The following G3BP2 variants were observed in gnomAD, a reference collection of about 807,000 sequenced individuals.
The protein encoded by G3BP2 is ras GTPase-activating protein-binding protein 2.
Under a neutral mutation model 56.7 loss-of-function variants are expected in G3BP2, and 11 were observed. The observed-to-expected ratio is 0.19, with a 90% CI of 0.12 to 0.32. G3BP2 has a LOEUF of 0.32. Ranked by LOEUF, G3BP2 falls within the 10% of genes least tolerant of loss-of-function variation. The pLI, the probability that G3BP2 is intolerant of heterozygous loss-of-function variation, is 1.00. For missense variants in G3BP2, 340 were observed against 610.9 expected (o/e 0.56, Z 4.67); for synonymous variants, 165 against 191.6 (o/e 0.86, Z 1.15).
intron 3 of G3BP2, among the ~76,000 whole-genome samples, chr4:75,714,584 C>T (rs1719868632): frequency 1.3e-5 from 2 of 151,984 alleles, no homozygotes; most frequent in Non-Finnish European, 2.9e-5. Flanking sequence ...GCCAAGATCG[C>T]ACCACCGCAC....
At chr4:75,715,894 ATAGTCATT>A (rs573259155) in intron 3 of G3BP2, among the ~76,000 whole-genome samples, 84 of 152,368 alleles carry the variant, frequency 5.5e-4, no homozygotes, top group Non-Finnish European at 8.8e-4. Context: ...AAATACCAGT[ATAGTCATT>A]TTTCTCTGAC....
chr4:75,657,638 T>G lies in G3BP2; in HGVS notation c.270A>C (p.Val90=), dbSNP rs545030051. 6.2e-7 allele frequency: 1 copy of G among 1,612,972 alleles called. No individual in the cohort carries two copies. The highest frequency in any genetic ancestry group is 1.1e-5 in the South Asian group (1 of 91,068). The stretch of plus-strand genomic sequence containing the variant: ...ACAGCAAACCCATGACCTGGACAAC[T>G]ACTCCATCACTCAAGGTTGCATGAG... ...VDAHATLSDG[V]VVQVMGLLSN... The change falls in exon 4 of 12, where the codon GTA becomes GTC. Residue 90 remains valine (V), a synonymous_variant. Coordinates refer to ENST00000359707, the MANE Select transcript of G3BP2 (RefSeq NM_203505.3).
chr4:75,693,952 G>A (rs1351565040), intron 3 of G3BP2, among the ~76,000 whole-genome samples: 2 of 151,694 alleles, frequency 1.3e-5, no homozygotes, highest in African/African-American at 2.4e-5. Context: ...TATTGTCTAG[G>A]GTGGTCTTGA....
chr4:75,643,775 C>T lies in G3BP2; in HGVS notation c.*1655G>A, dbSNP rs1456012196. Reference sequence around the variant, plus strand: ...TGGAGAAGTCTTCCATGCTAACGAGCAGCTTTAAGTGGTCACACTTATTTA... The same window carrying T: ...TGGAGAAGTCTTCCATGCTAACGAGTAGCTTTAAGTGGTCACACTTATTTA... On this transcript the variant is annotated 3_prime_UTR_variant, in exon 12 of 12. Coordinates refer to ENST00000359707, the MANE Select transcript of G3BP2 (RefSeq NM_203505.3). 1 of 152,590 alleles carries T rather than the reference C, an allele frequency of 6.6e-6. No individual in the cohort carries two copies. The highest frequency in any genetic ancestry group is 1.9e-4 in the East Asian group (1 of 5,178). The allele number at this position is 152,590 out of a possible 1,614,324, so 9.5% of individuals were successfully genotyped here.
At chr4:75,700,096 C>T (rs549953316) in intron 3 of G3BP2, among the ~76,000 whole-genome samples, 362 of 152,250 alleles carry the variant, frequency 2.4e-3, no homozygotes, top group Non-Finnish European at 3.6e-3. Flanking sequence ...GCTCTGTTGC[C>T]AGGCTAGAGT....
At chr4:75,701,713 C>T (rs889409209) in intron 3 of G3BP2, among the ~76,000 whole-genome samples, 10 of 152,190 alleles carry the variant, frequency 6.6e-5, no homozygotes, top group African/African-American at 2.2e-4. Flanking sequence ...CAGGCGTGAC[C>T]TGCTGTGCCC....
intron 3 of G3BP2, among the ~76,000 whole-genome samples, chr4:75,688,801 G>A (rs1170210485): frequency 6.6e-6 from 1 of 152,224 alleles, no homozygotes; most frequent in Admixed American, 6.5e-5. Flanking sequence ...AGAATGGTAA[G>A]TGTGCAGAGA....
At chr4:75,669,185 C>A (rs982529254) in intron 1 of G3BP2, among the ~76,000 whole-genome samples, 5 of 152,198 alleles carry the variant, frequency 3.3e-5, no homozygotes, top group South Asian at 2.1e-4. Context: ...TCTACCTAAA[C>A]GTGTATCTAG....
intron 2 of G3BP2, among the ~76,000 whole-genome samples, chr4:75,659,624 A>C (rs1732389893): frequency 6.6e-6 from 1 of 152,214 alleles, no homozygotes; most frequent in Non-Finnish European, 1.5e-5. Flanking sequence ...TAAAACATGT[A>C]AGAGCTTCCT....
In G3BP2 at chr4:75,645,649, T is replaced by C; in HGVS notation, c.1230A>G (p.Arg410=). The part of the protein sequence containing the change: ...VRLNVEEKKT[R]AARERETRGG... ...CTCTGGTTTCTCGCTCTCTTGCAGC[T>C]CTTGTTTTTTTCTCTTCCACATTTA... The change falls in exon 12 of 12, where the codon AGA becomes AGG. Residue 410 remains arginine, a synonymous_variant. Transcript: ENST00000359707. 4 of 1,613,938 alleles carry C rather than the reference T, an allele frequency of 2.5e-6. No homozygotes were observed. The highest frequency in any genetic ancestry group is 2.5e-6 in the Non-Finnish European group (3 of 1,179,930).
chr4:75,683,740 G>C (rs1718447916), intron 3 of G3BP2, among the ~76,000 whole-genome samples: 1 of 152,088 alleles, frequency 6.6e-6, no homozygotes, highest in African/African-American at 2.4e-5. Flanking sequence ...CTAGTGTCTG[G>C]CTCAGAACTG....
At position 75,653,589 on chromosome 4, in the gene G3BP2, TA is replaced by T. The variant is rs11422883; in HGVS notation, c.825+393del. 4.0e-3 allele frequency among the ~76,000 whole-genome samples: 481 copies of T among 121,494 alleles called. 4 individuals are homozygous for T. Among genetic ancestry groups the T allele is most frequent in the African/African-American group, 0.011 (352 of 32,108 alleles). 79.7% of individuals were successfully genotyped at this position (121,494 alleles called of 152,430 possible). ...TTCCTGGTTTTTTTTTTTTTTGCTT[TA>T]AAAAAAAAAAAAAAAACAAAAACGA... On this transcript the variant is annotated intron_variant, in intron 8 of 11. Transcript: ENST00000359707.
chr4:75,679,207 T>G lies in G3BP2; in HGVS notation c.-24-17158A>C, dbSNP rs61359875. The stretch of plus-strand genomic sequence containing the variant: ...TAGACTTTGAACAAGACTTACTGAT[T>G]GAAAACATGTTACTTGAGAATCCCA... On this transcript the variant is annotated intron_variant, in intron 3 of 3. Transcript: ENST00000499709. Among the ~76,000 whole-genome samples the G allele has an allele frequency of 2.9e-3, 442 of 152,302 alleles. 4 individuals carry two copies. The highest frequency in any genetic ancestry group is 0.023 in the East Asian group (120 of 5,182).
chr4:75,717,759 G>A lies in G3BP2; in HGVS notation c.-25+3118C>T, dbSNP rs113986914. 9.9e-5 allele frequency among the ~76,000 whole-genome samples: 15 copies of A among 152,226 alleles called. 1 individual carries two copies. The highest frequency in any genetic ancestry group is 3.6e-4 in the African/African-American group (15 of 41,538). On this transcript the variant is annotated intron_variant, in intron 3 of 3. Transcript: ENST00000499709. ...CTTGAGGTGTTGGGGGAGAGACAAT[G>A]GTGTTGGGAGGTAACAGTCAAATTC...
intron 1 of G3BP2, among the ~76,000 whole-genome samples, chr4:75,667,595 GA>G (rs1445179451): frequency 6.6e-6 from 1 of 152,036 alleles, no homozygotes; most frequent in East Asian, 1.9e-4. Flanking sequence ...CTTGTCAAAT[GA>G]AAACATTATC....
intron 3 of G3BP2, among the ~76,000 whole-genome samples, chr4:75,705,095 C>T (rs961870037): frequency 1.3e-5 from 2 of 151,948 alleles, no homozygotes; most frequent in African/African-American, 4.8e-5. Flanking sequence ...TATGTGTGAC[C>T]CAGGGAAGCC....
At chr4:75,666,599 G>A (rs1733055174) in intron 1 of G3BP2, among the ~76,000 whole-genome samples, 10 of 152,168 alleles carry the variant, frequency 6.6e-5, no homozygotes, top group Admixed American at 6.6e-4. Flanking sequence ...AAACAACGTG[G>A]TTTGGGTATT....
At chr4:75,659,003 G>A in intron 2 of G3BP2, 79 bp from the exon 3 acceptor site, 3 of 1,073,236 alleles carry the variant, frequency 2.8e-6, no homozygotes, top group Non-Finnish European at 4.4e-6. Flanking sequence ...CATAGACTAG[G>A]TTCCGGATCC....
chr4:75,709,209 C>T (rs1352461892), intron 3 of G3BP2, among the ~76,000 whole-genome samples: 2 of 152,058 alleles, frequency 1.3e-5, no homozygotes, highest in Non-Finnish European at 2.9e-5. Context: ...ATCACAAGGT[C>T]AGGAGTTAGA....
Sources: allele counts gnomAD v4.1 joint callset (sites outside exome capture counted in the v4.1 genomes callset), GRCh38; gene constraint gnomAD v4.1.1; transcripts MANE v1.5; gene names NCBI Gene and HGNC (gene_info 2026-07-23, HGNC 2026-07-21).